LRP1B: variants seen among roughly 807,000 people sequenced by gnomAD.
The protein encoded by LRP1B is LDL receptor related protein 1B, also known as low-density lipoprotein receptor-related protein 1B.
LRP1B carries 217 observed loss-of-function variants against 556.6 expected under a neutral mutation model. The observed-to-expected ratio is 0.39, with a 90% CI of 0.35 to 0.44. The LOEUF (loss-of-function observed/expected upper bound fraction) is 0.44. Ranked by LOEUF, LRP1B falls within the 20% of genes least tolerant of loss-of-function variation. The pLI is 1.00. For missense variants in LRP1B, 5,053 were observed against 5,620.8 expected, an observed-to-expected ratio of 0.90 and a Z score of 3.23; for synonymous variants, 2,047 against 1,865.8, an observed-to-expected ratio of 1.10 and a Z score of -2.50.
At chr2:140,832,563 T>C (rs1403571418) in intron 31 of LRP1B, among the ~76,000 whole-genome samples, 1 of 152,124 alleles carries the variant, frequency 6.6e-6, no homozygotes, top group African/African-American at 2.4e-5. Flanking sequence ...TATTCAGCCA[T>C]AAAAAAGAAT....
At chr2:141,580,784 T>C (rs1385136289) in intron 2 of LRP1B, among the ~76,000 whole-genome samples, 1 of 152,202 alleles carries the variant, frequency 6.6e-6, no homozygotes, top group Admixed American at 6.5e-5. Flanking sequence ...GAGACATTTG[T>C]TGTTTATACT....
chr2:140,455,076 T>C (rs1558894021), intron 62 of LRP1B, among the ~76,000 whole-genome samples: 1 of 152,192 alleles, frequency 6.6e-6, no homozygotes, highest in Non-Finnish European at 1.5e-5. Context: ...ATAGCACCAA[T>C]AGTATTAATA....
At chr2:141,761,405 A>C (rs539006870) in intron 2 of LRP1B, among the ~76,000 whole-genome samples, 1,892 of 42,958 alleles carry the variant, frequency 0.044, 43 homozygotes, top group East Asian at 0.12. Context: ...GTAGAAGTAC[A>C]AATAACTTAA....
In LRP1B at chr2:140,625,945, C is replaced by T. The variant is rs577738118; in HGVS notation, c.6800-24306G>A. On this transcript the variant is annotated intron_variant, in intron 41 of 90. Transcript: ENST00000389484. ...CATGGTTGTTTATGGCAGCTTTATT[C>T]GCAATTGCCAAAACTTGGAAGCAAT... Among the ~76,000 whole-genome samples, 28 of 152,190 alleles carry T rather than the reference C, an allele frequency of 1.8e-4. No individual in the cohort carries two copies. In the South Asian group the frequency reaches 5.4e-3, roughly 29 times the overall value.
At chr2:142,062,685 T>A (rs1171796230) in intron 1 of LRP1B, among the ~76,000 whole-genome samples, 1 of 151,828 alleles carries the variant, frequency 6.6e-6, no homozygotes, top group Non-Finnish European at 1.5e-5. Context: ...ATAAAACAAG[T>A]TTCTTGATTT....
intron 66 of LRP1B, among the ~76,000 whole-genome samples, chr2:140,422,176 G>A (rs1573919303): frequency 6.6e-6 from 1 of 152,212 alleles, no homozygotes; most frequent in East Asian, 1.9e-4. Flanking sequence ...CATAGAACCA[G>A]TTTTCTGGAA....
intron 2 of LRP1B, among the ~76,000 whole-genome samples, chr2:141,490,208 A>G (rs1014635445): frequency 2.6e-5 from 4 of 152,148 alleles, no homozygotes; most frequent in Admixed American, 2.0e-4. Flanking sequence ...TGTATTTAAT[A>G]TGTGAAAAAC....
intron 41 of LRP1B, among the ~76,000 whole-genome samples, chr2:140,699,203 C>T (rs2218242): frequency 0.53 from 80,483 of 151,820 alleles, 22,408 homozygotes; most frequent in Middle Eastern, 0.65. Context: ...ATTAAATAAA[C>T]TAGCTTACCT....
intron 37 of LRP1B, among the ~76,000 whole-genome samples, chr2:140,708,874 C>G (rs942948552): frequency 2.0e-5 from 3 of 151,950 alleles, no homozygotes; most frequent in Admixed American, 1.3e-4. Flanking sequence ...CCATGACTTG[C>G]AACCTATCTT....
chr2:140,669,869 ATT>A (rs1685418796), intron 41 of LRP1B, among the ~76,000 whole-genome samples: 1 of 152,146 alleles, frequency 6.6e-6, no homozygotes, highest in Non-Finnish European at 1.5e-5. Flanking sequence ...ATTAATTCAT[ATT>A]ACTATAGTTT....
At chr2:141,330,364 A>C (rs57189720) in intron 3 of LRP1B, among the ~76,000 whole-genome samples, 89,401 of 151,812 alleles carry the variant, frequency 0.59, 27,371 homozygotes, top group African/African-American at 0.71. Flanking sequence ...ACAACTCATT[A>C]ACCAGAATGA....
At chr2:141,053,777 T>C (rs1274149431) in intron 10 of LRP1B, among the ~76,000 whole-genome samples, 5 of 151,966 alleles carry the variant, frequency 3.3e-5, no homozygotes, top group African/African-American at 1.2e-4. Context: ...TGATCTTATG[T>C]TTTTCCTCCA....
At chr2:140,671,355 C>T (rs1685476603) in intron 41 of LRP1B, among the ~76,000 whole-genome samples, 1 of 152,076 alleles carries the variant, frequency 6.6e-6, no homozygotes, top group Admixed American at 6.5e-5. Flanking sequence ...CCCGTCTCTA[C>T]TAAAAATACA....
intron 32 of LRP1B, among the ~76,000 whole-genome samples, chr2:140,805,511 C>T (rs1434741572): frequency 6.6e-6 from 1 of 152,122 alleles, no homozygotes. Flanking sequence ...TAAACTCCCA[C>T]CAAATTCTTA....
intron 62 of LRP1B, among the ~76,000 whole-genome samples, chr2:140,454,710 T>C (rs529495329): frequency 1.3e-5 from 2 of 152,296 alleles, no homozygotes; most frequent in Middle Eastern, 6.8e-3. Context: ...TAGGTTTTCA[T>C]TTATTTGACT....
chr2:141,713,833 G>A (rs1205796959), intron 2 of LRP1B, among the ~76,000 whole-genome samples: 1 of 152,044 alleles, frequency 6.6e-6, no homozygotes, highest in African/African-American at 2.4e-5. Flanking sequence ...TTCCCTGCTT[G>A]AAGATCAGTC....
chr2:141,548,389 T>C (rs978847433), intron 2 of LRP1B, among the ~76,000 whole-genome samples: 2 of 152,218 alleles, frequency 1.3e-5, no homozygotes, highest in Non-Finnish European at 1.5e-5. Flanking sequence ...TCCAGAAGCA[T>C]GTGCAAAGGC....
chr2:141,203,950 G>A (rs1449581115), intron 6 of LRP1B, among the ~76,000 whole-genome samples: 1 of 152,178 alleles, frequency 6.6e-6, no homozygotes, highest in Admixed American at 6.5e-5. Flanking sequence ...ATAACGAAAT[G>A]AAGGCAGAAA....
chr2:141,986,668 G>A (rs959910798), intron 1 of LRP1B, among the ~76,000 whole-genome samples: 4 of 151,848 alleles, frequency 2.6e-5, no homozygotes, highest in African/African-American at 7.2e-5. Flanking sequence ...ATTTCTAAAT[G>A]GTGACGTATG....
Sources: gnomAD v4.1 joint callset for allele counts (sites outside exome capture counted in the v4.1 genomes callset) on GRCh38, gnomAD v4.1.1 for gene constraint, MANE v1.5 for transcripts, NCBI Gene and HGNC (gene_info 2026-07-23, HGNC 2026-07-21) for gene names.